Variants in SPEF2 observed in about 807,000 individuals in gnomAD.
SPEF2 encodes the protein sperm flagella and cilia-associated protein 2.
SPEF2 carries 187 observed loss-of-function variants against 224.6 expected under a neutral mutation model. That is an observed-to-expected ratio of 0.83 (90% CI 0.74 to 0.94). The LOEUF is 0.94. Among genes scored for constraint, SPEF2 ranks in the 40% least tolerant of loss-of-function variants. SPEF2 has a pLI of 0.00. For synonymous variants in SPEF2, 715 were observed against 707.3 expected (o/e 1.01, Z -0.17); for missense variants, 2,170 against 2,135.6 (o/e 1.02, Z -0.32).
intron 26 of SPEF2, among the ~76,000 whole-genome samples, chr5:35,767,068 C>T (rs1752188028): frequency 6.6e-6 from 1 of 151,402 alleles, no homozygotes; most frequent in Admixed American, 6.6e-5. Flanking sequence ...TATTATTTTA[C>T]TATGTATTTT....
rs1292622020 is a variant in SPEF2 at position 35,789,656 on chromosome 5, G to T, written c.4448-2684G>T. On this transcript the variant is annotated intron_variant, in intron 30 of 36. Transcript: ENST00000356031. ...GAGATGCCAGCCAAAATGTGGTGAG[G>T]GCTACCGTGATTGGAAGTTTTAAAT... is the stretch of plus-strand genomic sequence containing the variant. The T allele has an allele frequency of 6.3e-6, 4 of 638,440 alleles. No homozygotes were observed. In the South Asian group the frequency reaches 7.4e-5, roughly 12 times the overall value. The allele number at this position is 638,440 out of a possible 1,614,324, so 39.5% of individuals were successfully genotyped here. A position where few individuals can be genotyped will look rare whatever the true frequency, so the allele number is the denominator to read the frequency against.
chr5:35,700,777 C>A (rs769822896), intron 16 of SPEF2, 25 bp downstream of exon 16: 15 of 1,607,646 alleles, frequency 9.3e-6, no homozygotes, highest in Non-Finnish European at 1.7e-6. Context: ...TTTTTTGACA[C>A]TCTTTTTACA....
In SPEF2 at chr5:35,628,465, A is replaced by G; in HGVS notation, c.64A>G (p.Lys22Glu). Residue 22 changes from lysine (K) to glutamate (E), a missense_variant, in exon 2 of 37, where the codon AAG becomes GAG. Lys to Glu is a moderately conservative substitution (Grantham distance 56, BLOSUM62 1). Coordinates refer to ENST00000356031, the MANE Select transcript of SPEF2 (RefSeq NM_024867.4). ...ELKVSRTVSP[K>E]SFAKAFSSGY... is the part of the protein sequence containing the mutation. ...CTCAATGTTTTGAAACTCAGGTCCC[A>G]AGTCATTTGCAAAGGCATTTTCCAG... 1 of 1,611,410 alleles carries G rather than the reference A, an allele frequency of 6.2e-7. No individual in the cohort carries two copies. Among genetic ancestry groups the G allele is most frequent in the Non-Finnish European group, 8.5e-7 (1 of 1,177,634 alleles).
intron 26 of SPEF2, among the ~76,000 whole-genome samples, chr5:35,763,978 G>T (rs1405689600): frequency 6.6e-6 from 1 of 152,172 alleles, no homozygotes; most frequent in Non-Finnish European, 1.5e-5. Flanking sequence ...AATGAGGTGG[G>T]TCAAGTGTAA....
chr5:35,672,157 TG>T (rs1489672196), intron 10 of SPEF2, among the ~76,000 whole-genome samples: 1 of 151,424 alleles, frequency 6.6e-6, no homozygotes, highest in Non-Finnish European at 1.5e-5. Flanking sequence ...TGTCCACGTT[TG>T]TCATTATTAA....
intron 10 of SPEF2, among the ~76,000 whole-genome samples, chr5:35,677,135 G>A (rs1402959021): frequency 6.6e-6 from 1 of 152,178 alleles, no homozygotes; most frequent in Non-Finnish European, 1.5e-5. Flanking sequence ...AAGGTAGGCA[G>A]AACAAGTCAT....
chr5:35,790,403 G>A (rs1009467627), intron 30 of SPEF2: 2 of 491,708 alleles, frequency 4.1e-6, no homozygotes, highest in East Asian at 6.4e-5. Flanking sequence ...TTGTTGCTTA[G>A]CAATGTAGCT....
At chr5:35,618,871 C>CTT (rs373293181) in intron 1 of SPEF2, among the ~76,000 whole-genome samples, 3,051 of 149,286 alleles carry the variant, frequency 0.02, 54 homozygotes, top group African/African-American at 0.044. Flanking sequence ...TTTTGTTTGT[C>CTT]TTTTTTTCTT....
intron 4 of SPEF2, among the ~76,000 whole-genome samples, chr5:35,645,321 T>C (rs1253612848): frequency 6.6e-6 from 1 of 152,160 alleles, no homozygotes; most frequent in East Asian, 1.9e-4. Context: ...AATGGGAAGA[T>C]GACAGACAAA....
chr5:35,766,746 C>A (rs1050940480), intron 26 of SPEF2, among the ~76,000 whole-genome samples: 2 of 151,698 alleles, frequency 1.3e-5, no homozygotes, highest in Non-Finnish European at 2.9e-5. Flanking sequence ...AGTATCCAAT[C>A]TTTTTTTTCT....
intron 24 of SPEF2, among the ~76,000 whole-genome samples, chr5:35,759,005 C>CAAAAAA (rs57893412): frequency 0.1 from 5,140 of 51,236 alleles, 718 homozygotes; most frequent in Non-Finnish European, 0.13. Context: ...GACTCTGTCT[C>CAAAAAA]AAAAAAAAAA....
Position 35,736,630 on chromosome 5 carries a change from G to A in SPEF2, c.3064-3289G>A, listed in dbSNP as rs1454343753. On this transcript the variant is annotated intron_variant, in intron 21 of 36. Coordinates refer to ENST00000356031, the MANE Select transcript of SPEF2 (RefSeq NM_024867.4). Reference sequence around the variant, plus strand: ...CTACCAGGTCCTTCCCTTGACACATGGAGATTATGGGGATTATAATTTGAG... The same window carrying A: ...CTACCAGGTCCTTCCCTTGACACATAGAGATTATGGGGATTATAATTTGAG... 3.3e-5 allele frequency among the ~76,000 whole-genome samples: 5 copies of A among 152,158 alleles called. No individual in the cohort carries two copies. The South Asian group carries it at 6.2e-4, about 19-fold the overall frequency.
chr5:35,670,389 G>A, intron 10 of SPEF2, 162 bp downstream of exon 10: 1 of 1,366,546 alleles, frequency 7.3e-7, no homozygotes. Context: ...CTTTTTAGAT[G>A]CTTAAACTAT....
At chr5:35,634,467 G>A (rs931777160) in intron 2 of SPEF2, among the ~76,000 whole-genome samples, 6 of 152,066 alleles carry the variant, frequency 3.9e-5, no homozygotes, top group African/African-American at 1.2e-4. Context: ...ACTATAATAT[G>A]TCTAGGTGTA....
At chr5:35,755,862 G>A (rs545457686) in intron 24 of SPEF2, among the ~76,000 whole-genome samples, 17 of 151,972 alleles carry the variant, frequency 1.1e-4, no homozygotes, top group Non-Finnish European at 1.9e-4. Context: ...CATCCGCCTC[G>A]GCCTCCCAAA....
chr5:35,759,783 A>C, intron 25 of SPEF2, 64 bp downstream of exon 25: 1 of 1,369,538 alleles, frequency 7.3e-7, no homozygotes, highest in South Asian at 2.0e-5. Flanking sequence ...ATTTAAAATT[A>C]ATTACCACTA....
At chr5:35,642,192 T>C (rs1215393693) in intron 3 of SPEF2, among the ~76,000 whole-genome samples, 1 of 152,160 alleles carries the variant, frequency 6.6e-6, no homozygotes, top group Non-Finnish European at 1.5e-5. Flanking sequence ...TTCCCTAAAT[T>C]TTACTTTTAT....
chr5:35,670,048 T>G lies in SPEF2; in HGVS notation c.1356-11T>G. On this transcript the variant is annotated splice_polypyrimidine_tract_variant and intron_variant, in intron 9 of 36. Coordinates refer to ENST00000356031, the MANE Select transcript of SPEF2 (RefSeq NM_024867.4). ...CCATTGATTCATCTCTACCTTTTTT[T>G]TGTGCGATAGTCTGATTCCGTATAA... 1.3e-6 allele frequency: 2 copies of G among 1,580,414 alleles called. No homozygotes were observed. Among genetic ancestry groups the G allele is most frequent in the Non-Finnish European group, 1.7e-6 (2 of 1,168,872 alleles).
rs186070646 is a variant in SPEF2 at position 35,701,137 on chromosome 5, A to G, written c.2398+385A>G. ...CTGGGCTGTAAGAAAGGATCTGATA[A>G]CATCCTTTTCTTGGACTGGGTATTA... On this transcript the variant is annotated intron_variant, in intron 16 of 36. Coordinates refer to ENST00000356031, the MANE Select transcript of SPEF2 (RefSeq NM_024867.4). Among the ~76,000 whole-genome samples the G allele has an allele frequency of 5.3e-5, 8 of 152,324 alleles. No individual in the cohort carries two copies. The East Asian group carries it at 1.3e-3, about 26-fold the overall frequency.
Sources: gnomAD v4.1 joint callset for allele counts (sites outside exome capture counted in the v4.1 genomes callset) on GRCh38, gnomAD v4.1.1 for gene constraint, MANE v1.5 for transcripts, NCBI Gene and HGNC (gene_info 2026-07-23, HGNC 2026-07-21) for gene names.